Variants in CDH13 observed in about 807,000 individuals in gnomAD.
The protein encoded by CDH13 is cadherin-13.
In CDH13, 24 loss-of-function variants were observed where a neutral mutation model predicts 63.8. The ratio of observed to expected loss-of-function variants is 0.38; its 90% CI spans 0.27 to 0.53. The LOEUF (loss-of-function observed/expected upper bound fraction) is 0.53, where lower values mean the gene tolerates loss of function less well. Ranked by LOEUF, CDH13 falls within the 20% of genes least tolerant of loss-of-function variation. CDH13 has a pLI of 0.85. For missense variants in CDH13, 1,049 were observed against 903.1 expected (o/e 1.16, Z -2.07); for synonymous variants, 503 against 355.3 (o/e 1.42, Z -4.67).
intron 2 of CDH13, among the ~76,000 whole-genome samples, chr16:82,880,452 T>G (rs918489264): frequency 2.0e-5 from 3 of 152,210 alleles, no homozygotes; most frequent in Admixed American, 1.3e-4. Context: ...ACTGAGCACA[T>G]AGAAAGGTGA....
intron 1 of CDH13, among the ~76,000 whole-genome samples, chr16:82,636,318 G>A (rs535163978): frequency 2.2e-4 from 34 of 152,110 alleles, no homozygotes; most frequent in African/African-American, 7.2e-4. Flanking sequence ...GCTGCAGAAC[G>A]TTCCTGGGAG....
rs183090051 is a variant in CDH13, at chr16:83,103,722, G to T, written c.367-21663G>T. ...TTCCTGTGCCTCACTTTCCTCATCT[G>T]TAGTATGGGATACATCACAGAAATT... On this transcript the variant is annotated intron_variant, in intron 3 of 13. Transcript: ENST00000567109. 2.6e-5 allele frequency among the ~76,000 whole-genome samples: 4 copies of T among 152,296 alleles called. No homozygotes were observed. In the East Asian group the frequency reaches 7.7e-4, roughly 29 times the overall value.
At chr16:82,954,286 T>C (rs1442191880) in intron 2 of CDH13, 1 of 152,052 alleles carries the variant, frequency 6.6e-6, no homozygotes, top group East Asian at 1.9e-4. Flanking sequence ...GGAAGTCGAC[T>C]TCCCGGAACT....
intron 5 of CDH13, among the ~76,000 whole-genome samples, chr16:83,263,956 A>C (rs1907289713): frequency 6.6e-6 from 1 of 152,232 alleles, no homozygotes; most frequent in African/African-American, 2.4e-5. Flanking sequence ...ACACTTCAGA[A>C]AATTTTTGTT....
At chr16:83,151,452 G>T (rs1030641722) in intron 4 of CDH13, among the ~76,000 whole-genome samples, 8 of 152,168 alleles carry the variant, frequency 5.3e-5, no homozygotes, top group Non-Finnish European at 1.2e-4. Flanking sequence ...ATGTACCTAT[G>T]GGAGGATAGC....
At position 83,280,364 on chromosome 16, in the gene CDH13, G is replaced by A. The variant is rs142782330; in HGVS notation, c.636+62867G>A. Among the ~76,000 whole-genome samples the A allele has an allele frequency of 1.4e-3, 215 of 152,270 alleles. 3 individuals are homozygous for A. The highest frequency in any genetic ancestry group is 4.8e-3 in the African/African-American group (199 of 41,556). On this transcript the variant is annotated intron_variant, in intron 5 of 13. Transcript: ENST00000567109. ...TGTCTTTCTTTGCTTATCCATAAGAGCAATTCTTCATCCATTCATGTTTTA... is the reference window on the plus strand; with the variant it reads ...TGTCTTTCTTTGCTTATCCATAAGAACAATTCTTCATCCATTCATGTTTTA...
chr16:83,103,065 G>A (rs1443758999), intron 3 of CDH13, among the ~76,000 whole-genome samples: 3 of 144,354 alleles, frequency 2.1e-5, no homozygotes, highest in Admixed American at 7.2e-5. Flanking sequence ...CAATTTTCCT[G>A]CCTCAGCTTC....
chr16:83,135,067 TGAA>T (rs763595594), intron 4 of CDH13, among the ~76,000 whole-genome samples: 16 of 152,338 alleles, frequency 1.1e-4, no homozygotes, highest in South Asian at 6.2e-4. Flanking sequence ...TCAGGGTTGT[TGAA>T]GAATTTTCAA....
chr16:82,817,771 C>T (rs973016211), intron 1 of CDH13, among the ~76,000 whole-genome samples: 1 of 152,134 alleles, frequency 6.6e-6, no homozygotes, highest in East Asian at 1.9e-4. Context: ...CACCACTGCA[C>T]TTCAGCCTGG....
chr16:83,065,106 G>T (rs1783921204), intron 3 of CDH13, among the ~76,000 whole-genome samples: 1 of 151,940 alleles, frequency 6.6e-6, no homozygotes, highest in African/African-American at 2.4e-5. Context: ...TGTGGTATTT[G>T]TCTTCTGTGC....
intron 13 of CDH13, 134 bp downstream of exon 13, chr16:83,783,606 T>A: frequency 1.3e-6 from 1 of 759,314 alleles, no homozygotes; most frequent in East Asian, 2.6e-5. Flanking sequence ...AGTGTATGTC[T>A]GTATGATAGA....
At chr16:83,675,693 G>T (rs910186654) in intron 9 of CDH13, among the ~76,000 whole-genome samples, 1 of 152,196 alleles carries the variant, frequency 6.6e-6, no homozygotes, top group Non-Finnish European at 1.5e-5. Context: ...GACTTCAGGG[G>T]AGGCAGTGAC....
chr16:82,945,871 C>T (rs368128988), intron 2 of CDH13, among the ~76,000 whole-genome samples: 1 of 152,172 alleles, frequency 6.6e-6, no homozygotes, highest in Non-Finnish European at 1.5e-5. Flanking sequence ...GACTCTTCCT[C>T]TGAGTCATTT....
chr16:82,881,790 A>C (rs866779966), intron 2 of CDH13, among the ~76,000 whole-genome samples: 3 of 152,092 alleles, frequency 2.0e-5, no homozygotes, highest in African/African-American at 7.2e-5. Context: ...GGGGCTGACT[A>C]TCTGAGTGTC....
chr16:83,270,625 T>G (rs16960052), intron 5 of CDH13, among the ~76,000 whole-genome samples: 26,206 of 152,076 alleles, frequency 0.17, 2,887 homozygotes, highest in Non-Finnish European at 0.24. Flanking sequence ...TATGTGTGCA[T>G]GAAGGCCCTC....
intron 10 of CDH13, among the ~76,000 whole-genome samples, chr16:83,726,997 A>T (rs7198617): frequency 1.3e-5 from 2 of 151,932 alleles, no homozygotes; most frequent in Admixed American, 6.5e-5. Flanking sequence ...TATCTTTCCC[A>T]TGTATAACAG....
At chr16:83,011,218 A>T in intron 2 of CDH13, among the ~76,000 whole-genome samples, 1 of 152,292 alleles carries the variant, frequency 6.6e-6, no homozygotes, top group East Asian at 1.9e-4. Flanking sequence ...ACACAGCTTC[A>T]CTGTAGGCTC....
chr16:82,666,042 A>G (rs957643231), intron 1 of CDH13, among the ~76,000 whole-genome samples: 1 of 152,154 alleles, frequency 6.6e-6, no homozygotes, highest in Non-Finnish European at 1.5e-5. Flanking sequence ...CTGTGTATAA[A>G]TCGTGTAAAA....
chr16:83,253,383 T>G (rs59922098), intron 5 of CDH13, among the ~76,000 whole-genome samples: 8,660 of 152,266 alleles, frequency 0.057, 801 homozygotes, highest in African/African-American at 0.19. Flanking sequence ...CCGCCTCAAC[T>G]GCCCAGGTTT....
Sources: allele counts gnomAD v4.1 joint callset (sites outside exome capture counted in the v4.1 genomes callset), GRCh38; gene constraint gnomAD v4.1.1; transcripts MANE v1.5; gene names NCBI Gene and HGNC (gene_info 2026-07-23, HGNC 2026-07-21).